INTS6L: variants seen among roughly 807,000 people sequenced by gnomAD.
INTS6L encodes the protein integrator complex subunit 6-like.
Under a neutral mutation model 64.7 loss-of-function variants are expected in INTS6L, and 18 were observed. The ratio of observed to expected loss-of-function variants is 0.28; its 90% CI spans 0.19 to 0.41. The LOEUF (loss-of-function observed/expected upper bound fraction) is 0.41, where lower values mean the gene tolerates loss of function less well. Ranked by LOEUF, INTS6L falls within the 10% of genes least tolerant of loss-of-function variation. The pLI, the probability that INTS6L is intolerant of heterozygous loss-of-function variation, is 1.00. For synonymous variants in INTS6L, 227 were observed against 235.9 expected (o/e 0.96, Z 0.34); for missense variants, 533 against 661.0 (o/e 0.81, Z 2.12).
At chrX:135,564,561 G>A (rs1362811564) in intron 9 of INTS6L, among the ~76,000 whole-genome samples, 1 of 109,222 alleles carries the variant, frequency 9.2e-6, no homozygotes, top group Non-Finnish European at 1.9e-5. Flanking sequence ...GTGAAACCCC[G>A]TCTCTACTAA....
intron 2 of INTS6L, 135 bp from the exon 3 acceptor site, chrX:135,545,288 A>G: frequency 5.1e-6 from 4 of 789,127 alleles, no homozygotes; most frequent in Non-Finnish European, 7.1e-6. Flanking sequence ...CTACCTGATC[A>G]GTGAAGATAT....
At chrX:135,549,588 C>A in intron 6 of INTS6L, 54 bp from the exon 7 acceptor site, 1 of 1,145,105 alleles carries the variant, frequency 8.7e-7, no homozygotes, top group East Asian at 3.1e-5. Context: ...ACAAGAAGAT[C>A]AGCAGCTGTA....
intron 6 of INTS6L, among the ~76,000 whole-genome samples, chrX:135,549,398 C>A (rs936525801): frequency 8.9e-6 from 1 of 112,313 alleles, no homozygotes; most frequent in African/African-American, 3.2e-5. Flanking sequence ...ACTGCATATT[C>A]TCTTACTAGG....
intron 2 of INTS6L, among the ~76,000 whole-genome samples, chrX:135,523,431 A>G (rs1349158561): frequency 2.1e-5 from 2 of 97,212 alleles, no homozygotes; most frequent in African/African-American, 7.2e-5. Flanking sequence ...AAAAAAAGGA[A>G]CAACCTATTT....
At chrX:135,521,415 C>G (rs782787338) in intron 2 of INTS6L, 97 bp downstream of exon 2, 2 of 912,594 alleles carry the variant, frequency 2.2e-6, no homozygotes, top group Non-Finnish European at 1.5e-6. Flanking sequence ...TCCTGCGTCG[C>G]CCGGCGGGGC....
At chrX:135,556,912 T>A (rs188650656) in intron 9 of INTS6L, among the ~76,000 whole-genome samples, 2 of 112,072 alleles carry the variant, frequency 1.8e-5, no homozygotes, top group East Asian at 5.6e-4. Flanking sequence ...AGTTGTAAAG[T>A]TGTAAATGTT....
intron 2 of INTS6L, among the ~76,000 whole-genome samples, chrX:135,536,968 G>A (rs1255671801): frequency 2.7e-5 from 3 of 111,879 alleles, no homozygotes; most frequent in African/African-American, 9.8e-5. Context: ...CTGTTGTAGG[G>A]GTGGAACCTA....
intron 2 of INTS6L, among the ~76,000 whole-genome samples, chrX:135,539,990 AT>A (rs1556511828): frequency 2.7e-5 from 3 of 112,363 alleles, no homozygotes. Flanking sequence ...AGTTAGAAAT[AT>A]TGCAAAAATT....
rs782095363 is a variant in INTS6L, at chrX:135,552,156, C to T, written c.1059+10C>T. 9 of 1,165,737 alleles carry T rather than the reference C, an allele frequency of 7.7e-6. No individual in the cohort carries two copies. In the East Asian group the frequency reaches 2.4e-4, roughly 31 times the overall value. ...CCATACCTGCTGGCAGGTACTTATC[C>T]TTACCTATTAGCTAAATGTCTGTAA... On this transcript the variant is annotated intron_variant, in intron 8 of 17. Coordinates refer to ENST00000639893, the MANE Select transcript of INTS6L (RefSeq NM_001351601.3).
chrX:135,545,826 G>A (rs1233965494), intron 3 of INTS6L, among the ~76,000 whole-genome samples: 2 of 112,185 alleles, frequency 1.8e-5, no homozygotes, highest in Admixed American at 9.4e-5. Flanking sequence ...AAACGGCTGA[G>A]AAATATCGGA....
chrX:135,553,941 T>A (rs1419031368), intron 8 of INTS6L, among the ~76,000 whole-genome samples: 1 of 111,945 alleles, frequency 8.9e-6, no homozygotes, highest in African/African-American at 3.2e-5. Flanking sequence ...CTTAAATATG[T>A]CATATGCCTC....
chrX:135,529,525 T>C (rs942314268), intron 2 of INTS6L, among the ~76,000 whole-genome samples: 17 of 111,789 alleles, frequency 1.5e-4, no homozygotes, highest in Middle Eastern at 9.3e-3. Context: ...TTAATTGTTA[T>C]TTTTTGGTAA....
Position 135,545,635 on chromosome X carries a change from T to C in INTS6L, c.339+63T>C, listed in dbSNP as rs1312535944. 17 of 1,060,724 alleles carry C rather than the reference T, an allele frequency of 1.6e-5. No individual in the cohort carries two copies. The African/African-American group carries it at 3.2e-4, about 20-fold the overall frequency. 87.4% of individuals were successfully genotyped at this position (1,060,724 alleles called of 1,213,427 possible). ...GGTGGCTTGGGGTAAGAATTTAAAA[T>C]TGGGCATGATTACTAAGTTTTCTGC... is the stretch of plus-strand genomic sequence containing the variant. On this transcript the variant is annotated intron_variant, in intron 3 of 17. Transcript: ENST00000639893.
intron 6 of INTS6L, among the ~76,000 whole-genome samples, chrX:135,548,234 A>G (rs2086410378): frequency 9.0e-6 from 1 of 110,578 alleles, no homozygotes. Flanking sequence ...TGTTGTTGTT[A>G]TTGTTGTTGT....
At position 135,546,815 on chromosome X, in the gene INTS6L, C is replaced by A. The variant is rs142715871; in HGVS notation, c.543C>A (p.Thr181=). 1.7e-6 allele frequency: 2 copies of A among 1,209,699 alleles called. No individual in the cohort carries two copies. Among genetic ancestry groups the A allele is most frequent in the Non-Finnish European group, 2.2e-6 (2 of 895,068 alleles). Residue 181 remains threonine, a synonymous_variant, in exon 5 of 18, where the codon ACC becomes ACA. Transcript: ENST00000639893. ...TGCGTTTGCCTGGAGTGGCTTCTAC[C>A]GAACCAGAGCAACTAGGGAGCGTAC... ...LVLRLPGVAS[T]EPEQLGSVPT... is the part of the protein sequence containing the mutation.
At chrX:135,570,310 T>C in intron 10 of INTS6L, 126 bp from the exon 11 acceptor site, 1 of 544,566 alleles carries the variant, frequency 1.8e-6, no homozygotes, top group South Asian at 5.9e-5. Flanking sequence ...ATGTTCCATG[T>C]TTGGTTTTAT....
chrX:135,561,655 T>C (rs1556522307), intron 9 of INTS6L, among the ~76,000 whole-genome samples: 1 of 112,638 alleles, frequency 8.9e-6, no homozygotes, highest in African/African-American at 3.2e-5. Context: ...ACTATCTGGT[T>C]CTAAACATTC....
intron 2 of INTS6L, among the ~76,000 whole-genome samples, chrX:135,544,145 A>T (rs781966995): frequency 8.9e-6 from 1 of 111,945 alleles, no homozygotes; most frequent in South Asian, 3.7e-4. Context: ...GATGTGAATG[A>T]CTGCAAGGTG....
intron 2 of INTS6L, among the ~76,000 whole-genome samples, chrX:135,529,748 T>C (rs1014245277): frequency 6.1e-4 from 69 of 112,342 alleles, no homozygotes; most frequent in African/African-American, 2.2e-3. Context: ...TATATTTGCT[T>C]CCTTGTAATA....
Sources: allele counts gnomAD v4.1 joint callset (sites outside exome capture counted in the v4.1 genomes callset), GRCh38; gene constraint gnomAD v4.1.1; transcripts MANE v1.5; gene names NCBI Gene and HGNC (gene_info 2026-07-23, HGNC 2026-07-21).